Variants in ACAD11 observed in about 807,000 individuals in gnomAD.
ACAD11 encodes the protein acyl-Coenzyme A dehydrogenase family, member 11.
ACAD11 carries 83 observed loss-of-function variants against 102.2 expected under a neutral mutation model. That is an observed-to-expected ratio of 0.81 (90% confidence interval 0.68 to 0.97). The LOEUF (loss-of-function observed/expected upper bound fraction) is 0.97, where lower values mean the gene tolerates loss of function less well. Ranked by LOEUF, ACAD11 falls within the 50% of genes least tolerant of loss-of-function variation. The pLI, the probability that ACAD11 is intolerant of heterozygous loss-of-function variation, is 0.00. For missense variants in ACAD11, 901 were observed against 951.7 expected, an observed-to-expected ratio of 0.95 and a Z score of 0.70; for synonymous variants, 324 against 319.8, an observed-to-expected ratio of 1.01 and a Z score of -0.14.
At chr3:132,579,146 T>C in intron 14 of ACAD11, 2 of 1,107,742 alleles carry the variant, frequency 1.8e-6, no homozygotes, top group Non-Finnish European at 2.4e-6. Flanking sequence ...CTTATATATA[T>C]AATTAAACAT....
intron 11 of ACAD11, among the ~76,000 whole-genome samples, chr3:132,608,837 C>T (rs1938979336): frequency 6.6e-6 from 1 of 152,168 alleles, no homozygotes; most frequent in Admixed American, 6.5e-5. Context: ...ACAGAATATA[C>T]ATCCTTCTCA....
chr3:132,600,288 C>A, intron 13 of ACAD11: 1 of 988,614 alleles, frequency 1.0e-6, no homozygotes, highest in Non-Finnish European at 1.5e-6. Context: ...GTTACAGCAA[C>A]AGGCTATACT....
chr3:132,607,474 G>C (rs1368708060), intron 11 of ACAD11, among the ~76,000 whole-genome samples: 1 of 152,142 alleles, frequency 6.6e-6, no homozygotes, highest in African/African-American at 2.4e-5. Flanking sequence ...ACTTCGTGAA[G>C]TATACACAAG....
chr3:132,658,073 G>A (rs1937909592), intron 1 of ACAD11, among the ~76,000 whole-genome samples: 1 of 152,038 alleles, frequency 6.6e-6, no homozygotes, highest in South Asian at 2.1e-4. Flanking sequence ...ATGTTGGCCA[G>A]GCTGGTCTTG....
Position 132,630,481 on chromosome 3 carries a change from A to G in ACAD11, c.919T>C (p.Phe307Leu). The G allele has an allele frequency of 3.1e-6, 5 of 1,613,342 alleles. No individual in the cohort carries two copies. Among genetic ancestry groups the G allele is most frequent in the Non-Finnish European group, 4.2e-6 (5 of 1,179,632 alleles). The part of the protein sequence containing the change: ...GINSILPNWN[F>L]FLALSYFKMA... ...TTAAAATATGAAAGGGCAAGAAAGAAATTCCAGTTAGGAAGAATAGAATTA... is the reference window on the plus strand; with the variant it reads ...TTAAAATATGAAAGGGCAAGAAAGAGATTCCAGTTAGGAAGAATAGAATTA... The change falls in exon 7 of 20, where the codon TTC (phenylalanine) becomes CTC (leucine). Residue 307 changes from phenylalanine (F) to leucine (L), a missense_variant. By Grantham distance (22) the Phe-to-Leu change is conservative (BLOSUM62 0). Coordinates refer to ENST00000264990, the MANE Select transcript of ACAD11 (RefSeq NM_032169.5).
At chr3:132,606,621 T>C (rs769373918) in intron 11 of ACAD11, among the ~76,000 whole-genome samples, 15 of 152,232 alleles carry the variant, frequency 9.9e-5, no homozygotes, top group Non-Finnish European at 2.1e-4. Context: ...AGAAAGGCAG[T>C]AGCCCCAGTC....
chr3:132,569,272 C>A (rs1411683621), intron 17 of ACAD11, among the ~76,000 whole-genome samples: 1 of 152,032 alleles, frequency 6.6e-6, no homozygotes, highest in Non-Finnish European at 1.5e-5. Flanking sequence ...GAGATTAAAG[C>A]CACAATGAGA....
chr3:132,638,664 AATATT>A (rs1480730374), intron 5 of ACAD11, among the ~76,000 whole-genome samples: 4 of 152,206 alleles, frequency 2.6e-5, no homozygotes, highest in African/African-American at 9.6e-5. Context: ...ACTCGACTAA[AATATT>A]AATTAAATGA....
Position 132,642,697 on chromosome 3 carries a change from A to G in ACAD11, c.355T>C (p.Tyr119His). The change falls in exon 3 of 20, where the codon TAC (tyrosine) becomes CAC (histidine). Residue 119 changes from tyrosine to histidine, a missense_variant. Coordinates refer to ENST00000264990, the MANE Select transcript of ACAD11 (RefSeq NM_032169.5). ...SDTSVIGTEF[Y>H]VMEHVQGRIF... ...TTTACCTGCACATGTTCCATTACGT[A>G]AAATTCTGTTCCAATGACAGAAGTA... is the stretch of plus-strand genomic sequence containing the variant. 6.2e-7 allele frequency: 1 copy of G among 1,608,600 alleles called. No individual in the cohort carries two copies. Among genetic ancestry groups the G allele is most frequent in the South Asian group, 1.1e-5 (1 of 89,322 alleles).
At chr3:132,583,695 A>G (rs1196064877) in intron 13 of ACAD11, among the ~76,000 whole-genome samples, 2 of 152,124 alleles carry the variant, frequency 1.3e-5, no homozygotes, top group Admixed American at 6.5e-5. Flanking sequence ...TTAGTGCCAT[A>G]AATTTCCCTC....
intron 5 of ACAD11, among the ~76,000 whole-genome samples, chr3:132,632,936 C>T (rs1487980528): frequency 6.6e-6 from 1 of 152,206 alleles, no homozygotes; most frequent in African/African-American, 2.4e-5. Context: ...TATCCTGAGA[C>T]TTTGCTGAAG....
chr3:132,626,337 T>C (rs1313146733), intron 9 of ACAD11, among the ~76,000 whole-genome samples: 1 of 151,968 alleles, frequency 6.6e-6, no homozygotes, highest in African/African-American at 2.4e-5. Flanking sequence ...TCTAGGTGTG[T>C]CCATCTTGTA....
chr3:132,649,874 A>G (rs1398066286), intron 1 of ACAD11: 1 of 152,250 alleles, frequency 6.6e-6, no homozygotes, highest in Non-Finnish European at 1.5e-5. Context: ...ACTCACGGGC[A>G]TTCCTCCTAA....
At chr3:132,612,345 C>A (rs1356066183) in intron 11 of ACAD11, among the ~76,000 whole-genome samples, 1 of 151,996 alleles carries the variant, frequency 6.6e-6, no homozygotes, top group Non-Finnish European at 1.5e-5. Context: ...ACATCAAAAG[C>A]AATGGCAACA....
chr3:132,603,806 T>G (rs1938718695), intron 12 of ACAD11, among the ~76,000 whole-genome samples: 1 of 152,186 alleles, frequency 6.6e-6, no homozygotes, highest in Admixed American at 6.5e-5. Flanking sequence ...TGTTCAACAC[T>G]TAAGGTCTTC....
At chr3:132,631,169 A>G (rs1220158290) in intron 6 of ACAD11, among the ~76,000 whole-genome samples, 172 bp downstream of exon 6, 1 of 152,130 alleles carries the variant, frequency 6.6e-6, no homozygotes, top group Non-Finnish European at 1.5e-5. Context: ...TAAATTAAAA[A>G]AAAGAATTAT....
chr3:132,645,662 T>C (rs1485741031), intron 1 of ACAD11, among the ~76,000 whole-genome samples: 1 of 152,066 alleles, frequency 6.6e-6, no homozygotes, highest in Non-Finnish European at 1.5e-5. Context: ...TAATAGGTAA[T>C]AGGAGAAAGT....
chr3:132,576,197 A>G (rs1937521754), intron 16 of ACAD11, among the ~76,000 whole-genome samples: 1 of 152,236 alleles, frequency 6.6e-6, no homozygotes, highest in African/African-American at 2.4e-5. Flanking sequence ...GCTGCAATAG[A>G]TACAAAGTTG....
intron 1 of ACAD11, among the ~76,000 whole-genome samples, chr3:132,655,606 C>T (rs1035344596): frequency 2.0e-5 from 3 of 152,172 alleles, no homozygotes; most frequent in Non-Finnish European, 2.9e-5. Flanking sequence ...TGCTGAATGC[C>T]GTGTGCTCGA....
Sources: gnomAD v4.1 joint callset for allele counts (sites outside exome capture counted in the v4.1 genomes callset) on GRCh38, gnomAD v4.1.1 for gene constraint, MANE v1.5 for transcripts, NCBI Gene and HGNC (gene_info 2026-07-23, HGNC 2026-07-21) for gene names.